The following HOMER1 variants were observed in gnomAD, a reference collection of about 807,000 sequenced individuals.
HOMER1 encodes the protein homer scaffold protein 1.
HOMER1 carries 3 observed loss-of-function variants against 48.9 expected under a neutral mutation model. The ratio of observed to expected loss-of-function variants is 0.06; its 90% CI spans 0.03 to 0.16. The LOEUF is 0.16. Among genes scored for constraint, HOMER1 ranks in the 10% least tolerant of loss-of-function variants. The probability of loss-of-function intolerance (pLI) is 1.00; values close to 1 mark genes in which losing one functional copy is unlikely to be tolerated. For missense variants in HOMER1, 247 were observed against 411.4 expected (o/e 0.60, Z 3.46); for synonymous variants, 134 against 146.4 (o/e 0.92, Z 0.61).
At chr5:79,475,489 G>A (rs571051278) in intron 1 of HOMER1, among the ~76,000 whole-genome samples, 1 of 150,914 alleles carries the variant, frequency 6.6e-6, no homozygotes, top group South Asian at 2.1e-4. Context: ...GAACAGCAGG[G>A]GAAAAGCAGA....
At chr5:79,502,380 G>C (rs1043635828) in intron 1 of HOMER1, among the ~76,000 whole-genome samples, 9 of 151,958 alleles carry the variant, frequency 5.9e-5, no homozygotes, top group African/African-American at 1.7e-4. Context: ...TAAAACCCAA[G>C]AGAAGTTCTC....
chr5:79,443,302 A>G (rs749658700), intron 4 of HOMER1, among the ~76,000 whole-genome samples: 2 of 152,234 alleles, frequency 1.3e-5, no homozygotes, highest in Non-Finnish European at 2.9e-5. Context: ...TTAGGCATAT[A>G]TAATATTCTA....
chr5:79,492,736 C>T (rs1029519706), intron 1 of HOMER1, among the ~76,000 whole-genome samples: 9 of 151,914 alleles, frequency 5.9e-5, no homozygotes, highest in African/African-American at 1.9e-4. Context: ...AAACTTAATA[C>T]GTATTAGGTT....
chr5:79,459,690 G>A (rs1398678063), intron 1 of HOMER1, among the ~76,000 whole-genome samples: 1 of 152,168 alleles, frequency 6.6e-6, no homozygotes, highest in African/African-American at 2.4e-5. Flanking sequence ...GATGGTCCCT[G>A]CCCTTGAAAA....
chr5:79,401,301 G>A (rs1329060935), intron 6 of HOMER1, among the ~76,000 whole-genome samples: 2 of 152,082 alleles, frequency 1.3e-5, no homozygotes, highest in East Asian at 3.9e-4. Context: ...TGCCAATTAA[G>A]TATTCAATTA....
In HOMER1 at chr5:79,442,078, T is replaced by A. The variant is rs115209511; in HGVS notation, c.388-2929A>T. On this transcript the variant is annotated intron_variant, in intron 4 of 8. Coordinates refer to ENST00000334082, the MANE Select transcript of HOMER1 (RefSeq NM_004272.5). ...AATAATCTTTTCTATTGACTTTATA[T>A]CCTTGCTTTGAGAAAATAAAACCAC... Among the ~76,000 whole-genome samples, 461 of 152,058 alleles carry A rather than the reference T, an allele frequency of 3.0e-3. 3 individuals are homozygous for A. Among genetic ancestry groups the A allele is most frequent in the African/African-American group, 0.01 (435 of 41,512 alleles).
chr5:79,454,946 T>C (rs1406678853), intron 2 of HOMER1, among the ~76,000 whole-genome samples: 1 of 152,150 alleles, frequency 6.6e-6, no homozygotes, highest in African/African-American at 2.4e-5. Flanking sequence ...CATTCCTTTT[T>C]ACAGATGAGA....
intron 5 of HOMER1, among the ~76,000 whole-genome samples, chr5:79,406,117 AGTT>A (rs1749655592): frequency 6.6e-6 from 1 of 152,196 alleles, no homozygotes; most frequent in African/African-American, 2.4e-5. Flanking sequence ...TAGTCTAGGT[AGTT>A]ATAACACCAC....
intron 4 of HOMER1, 62 bp from the exon 5 acceptor site, chr5:79,439,211 T>C (rs1750678606): frequency 1.3e-5 from 20 of 1,550,400 alleles, no homozygotes; most frequent in African/African-American, 4.1e-5. Flanking sequence ...CACAATATCA[T>C]CTTGAGGTTA....
intron 8 of HOMER1, among the ~76,000 whole-genome samples, chr5:79,387,069 TTCTCTATC>T (rs1215638038): frequency 2.3e-3 from 308 of 132,352 alleles, no homozygotes; most frequent in African/African-American, 9.4e-3. Flanking sequence ...TTTCCTTTCT[TTCTCTATC>T]TCTCTCTCTC....
chr5:79,444,062 T>C (rs1166625591), intron 4 of HOMER1, among the ~76,000 whole-genome samples: 2 of 152,216 alleles, frequency 1.3e-5, no homozygotes, highest in Admixed American at 6.5e-5. Flanking sequence ...CTATCGATTT[T>C]CGTGTTTAAC....
At position 79,379,107 on chromosome 5, in the gene HOMER1, TATATATAAAATATATAA is replaced by T. The variant is rs1210586285; in HGVS notation, c.877-2927_877-2911del. On this transcript the variant is annotated intron_variant, in intron 8 of 8. Transcript: ENST00000334082. ...ATATATATATATATATATATATATA[TATATATAAAATATATAA>T]ATATTTATTTATATATAAAAATTAT... 2.6e-3 allele frequency among the ~76,000 whole-genome samples: 250 copies of T among 96,484 alleles called. 17 individuals carry two copies. The highest frequency in any genetic ancestry group is 0.01 in the African/African-American group (240 of 23,530). The allele number at this position is 96,484 out of a possible 152,430, so 63.3% of individuals were successfully genotyped here.
chr5:79,510,331 T>C (rs1020665534), intron 1 of HOMER1: 1 of 458,464 alleles, frequency 2.2e-6, no homozygotes, highest in African/African-American at 2.0e-5. Context: ...ATGTTATGTG[T>C]GGTGCTAACT....
chr5:79,409,277 A>G (rs1168971727), intron 5 of HOMER1, among the ~76,000 whole-genome samples: 2 of 151,918 alleles, frequency 1.3e-5, no homozygotes, highest in Admixed American at 6.6e-5. Context: ...TACTAAAAAT[A>G]CAAAATTAGC....
intron 4 of HOMER1, among the ~76,000 whole-genome samples, chr5:79,443,486 C>G (rs142566668): frequency 5.3e-5 from 8 of 152,016 alleles, no homozygotes; most frequent in Non-Finnish European, 5.9e-5. Context: ...AGAATTCTGA[C>G]GCATAGTATT....
chr5:79,507,029 C>T lies in HOMER1; in HGVS notation c.5+5741G>A, dbSNP rs1032484216. On this transcript the variant is annotated intron_variant, in intron 1 of 8. Coordinates refer to ENST00000334082, the MANE Select transcript of HOMER1 (RefSeq NM_004272.5). ...GAGTTCGAAACCAGCCTGGCCAATA[C>T]GGTGAAACCCCGTCTCTACTAAAAA... Among the ~76,000 whole-genome samples, 31 of 151,484 alleles carry T rather than the reference C, an allele frequency of 2.0e-4. No homozygotes were observed. In the Middle Eastern group the frequency reaches 0.01, roughly 50 times the overall value.
chr5:79,493,359 C>T (rs1450436351), intron 1 of HOMER1, among the ~76,000 whole-genome samples: 4 of 152,178 alleles, frequency 2.6e-5, no homozygotes, highest in Non-Finnish European at 5.9e-5. Context: ...TCCCATTCTT[C>T]CCTCTATTCC....
intron 4 of HOMER1, 32 bp from the exon 5 acceptor site, chr5:79,439,181 G>A: frequency 6.2e-7 from 1 of 1,610,784 alleles, no homozygotes; most frequent in African/African-American, 1.3e-5. Context: ...ATAAAAAATA[G>A]TTACACTTTT....
At chr5:79,502,622 T>C (rs1273615071) in intron 1 of HOMER1, among the ~76,000 whole-genome samples, 1 of 152,220 alleles carries the variant, frequency 6.6e-6, no homozygotes, top group African/African-American at 2.4e-5. Flanking sequence ...TGATTTCTAA[T>C]TGACCACTGT....
Sources: gnomAD v4.1 joint callset for allele counts (sites outside exome capture counted in the v4.1 genomes callset) on GRCh38, gnomAD v4.1.1 for gene constraint, MANE v1.5 for transcripts, NCBI Gene and HGNC (gene_info 2026-07-23, HGNC 2026-07-21) for gene names.